TRANK1: variants seen among roughly 807,000 people sequenced by gnomAD.
The protein encoded by TRANK1 is tetratricopeptide repeat and ankyrin repeat containing 1.
A neutral mutation model predicts 266.0 loss-of-function variants in TRANK1; 198 were observed. That is an observed-to-expected ratio of 0.74 (90% CI 0.66 to 0.84). The LOEUF is 0.84. Among genes scored for constraint, TRANK1 ranks in the 40% least tolerant of loss-of-function variants. TRANK1 has a pLI of 0.00. For missense variants in TRANK1, 3,326 were observed against 3,634.6 expected (o/e 0.92, Z 2.18); for synonymous variants, 1,396 against 1,384.1 (o/e 1.01, Z -0.19).
chr3:36,857,828 G>A lies in TRANK1; in HGVS notation c.1894C>T (p.Arg632Trp), dbSNP rs1385227247. The change falls in exon 13 of 24, where the codon CGG becomes TGG. Residue 632 changes from arginine to tryptophan, a missense_variant. Coordinates refer to ENST00000645898, the MANE Select transcript of TRANK1 (RefSeq NM_001329998.2). This position sits in a 1 kb window ranked among gnomAD's most constrained non-coding sequence, Gnocchi z 4.3. Reference protein sequence around the residue: ...NLKNKEGKDARHRIKKNDSLL... With the variant: ...NLKNKEGKDAWHRIKKNDSLL... ...GAGTCGTTCTTCTTAATCCGGTGCC[G>A]TGCATCTTTGCCCTCTTTGTTCTTC... The A allele has an allele frequency of 9.3e-6, 15 of 1,613,740 alleles. No homozygotes were observed. The highest frequency in any genetic ancestry group is 1.1e-5 in the South Asian group (1 of 91,086).
intron 11 of TRANK1, 40 bp from the exon 12 acceptor site, chr3:36,858,934 C>T: frequency 6.7e-7 from 1 of 1,486,818 alleles, no homozygotes; most frequent in Non-Finnish European, 8.9e-7. Flanking sequence ...TGAGCAGGCA[C>T]AGCCTGGCTC....
chr3:36,857,004 G>T lies in TRANK1; in HGVS notation c.2718C>A (p.Asp906Glu). 6.2e-7 allele frequency: 1 copy of T among 1,613,968 alleles called. No individual in the cohort carries two copies. Among genetic ancestry groups the T allele is most frequent in the Non-Finnish European group, 8.5e-7 (1 of 1,179,868 alleles). ...GARMLWELAIDFSPRCSENPE... is the reference protein window; with the variant it reads ...GARMLWELAIEFSPRCSENPE... ...GGTTCTCACTGCATCGAGGGGAGAA[G>T]TCAATGGCGAGCTCCCAGAGCATCC... Residue 906 changes from aspartate (D) to glutamate (E), a missense_variant, in exon 13 of 24, where the codon GAC becomes GAA. Coordinates refer to ENST00000645898, the MANE Select transcript of TRANK1 (RefSeq NM_001329998.2). The surrounding 1 kb of genome is among the most constrained non-coding windows in gnomAD (Gnocchi z 4.3).
At chr3:36,877,422 G>A (rs968958233) in intron 8 of TRANK1, among the ~76,000 whole-genome samples, 1 of 152,062 alleles carries the variant, frequency 6.6e-6, no homozygotes, top group African/African-American at 2.4e-5. Flanking sequence ...TAAATAACAT[G>A]TACAGTTCCT....
intron 3 of TRANK1, among the ~76,000 whole-genome samples, chr3:36,901,021 G>A (rs1347872076): frequency 1.3e-5 from 2 of 150,130 alleles, no homozygotes; most frequent in Non-Finnish European, 3.0e-5. Context: ...AAGAGAGGAG[G>A]AAAAAAAAGT....
intron 1 of TRANK1, among the ~76,000 whole-genome samples, chr3:36,923,032 C>T (rs898857638): frequency 2.0e-5 from 3 of 152,160 alleles, no homozygotes; most frequent in African/African-American, 7.2e-5. Flanking sequence ...CATTGCCCAA[C>T]TATCACCAGA....
chr3:36,929,237 T>G (rs2080329015), intron 1 of TRANK1: 1 of 151,662 alleles, frequency 6.6e-6, no homozygotes, highest in South Asian at 2.1e-4. Flanking sequence ...CTCTGCCTCC[T>G]GGGCTCAAGC....
chr3:36,848,090 A>G (rs2078939155), intron 15 of TRANK1, among the ~76,000 whole-genome samples: 1 of 152,210 alleles, frequency 6.6e-6, no homozygotes, highest in Non-Finnish European at 1.5e-5. Flanking sequence ...AAATATTGTT[A>G]TCATTGCGGG....
chr3:36,908,364 G>A lies in TRANK1; in HGVS notation c.114C>T (p.Tyr38=), dbSNP rs1396964906. ...NGNFSLAIRK[Y]DEAIQILLQL... Reference sequence around the variant, plus strand: ...GCAGGAGAATCTGGATGGCTTCATCGTACTTTCTGATGGCCAAAGAGAAGT... The same window carrying A: ...GCAGGAGAATCTGGATGGCTTCATCATACTTTCTGATGGCCAAAGAGAAGT... Residue 38 remains tyrosine (Y), a synonymous_variant, in exon 2 of 24, where the codon TAC becomes TAT. Transcript: ENST00000645898. 3 of 1,232,088 alleles carry A rather than the reference G, an allele frequency of 2.4e-6. No individual in the cohort carries two copies. Among genetic ancestry groups the A allele is most frequent in the Non-Finnish European group, 3.0e-6 (3 of 988,012 alleles). The allele number at this position is 1,232,088 out of a possible 1,614,324, so 76.3% of individuals were successfully genotyped here. A position where few individuals can be genotyped will look rare whatever the true frequency, so the allele number is the denominator to read the frequency against.
At position 36,856,056 on chromosome 3, in the gene TRANK1, G is replaced by T. The variant is rs1467909527; in HGVS notation, c.3666C>A (p.Tyr1222Ter). The change falls in exon 13 of 24, where the codon TAC (tyrosine) becomes TAA (stop). Residue 1222 changes from tyrosine to a stop codon, truncating the protein, a stop_gained. Coordinates refer to ENST00000645898, the MANE Select transcript of TRANK1 (RefSeq NM_001329998.2). LOFTEE classifies it high-confidence loss of function. ...TGTGAATGTTGGGGTCCAGTGGTTT[G>T]TAATGACTAGTGGCCTTGGTGGACT... ...LSKSTKATSH[Y>*]KPLDPNIHKL... 1.9e-6 allele frequency: 3 copies of T among 1,613,862 alleles called. No individual in the cohort carries two copies. In the Admixed American group the frequency reaches 5.0e-5, roughly 27 times the overall value.
chr3:36,922,956 T>G (rs913312194), intron 1 of TRANK1, among the ~76,000 whole-genome samples: 3 of 152,134 alleles, frequency 2.0e-5, no homozygotes, highest in African/African-American at 7.2e-5. Flanking sequence ...TCAGATAAAC[T>G]ATAAGTCTGT....
chr3:36,855,071 T>C, intron 13 of TRANK1, 102 bp downstream of exon 13: 2 of 1,070,556 alleles, frequency 1.9e-6, no homozygotes, highest in South Asian at 3.3e-5. Flanking sequence ...CTACCCTTAC[T>C]TCAGCTGTAA....
rs2079311954 is a variant in TRANK1 at position 36,871,666 on chromosome 3, ACACC to A, written c.1078+2456_1078+2459del. ...CATCATATGTCAAAGCTTTAAAAGAACACCCATGAAAAGGAAAAAAATAAAAAGA... is the reference window on the plus strand; with the variant it reads ...CATCATATGTCAAAGCTTTAAAAGAACATGAAAAGGAAAAAAATAAAAAGA... On this transcript the variant is annotated intron_variant, in intron 9 of 23. Transcript: ENST00000645898. Among the ~76,000 whole-genome samples the A allele has an allele frequency of 3.3e-5, 5 of 152,312 alleles. No individual in the cohort carries two copies. The East Asian group carries it at 9.6e-4, about 29-fold the overall frequency.
intron 15 of TRANK1, among the ~76,000 whole-genome samples, chr3:36,847,813 G>A (rs1246692221): frequency 6.6e-6 from 1 of 152,122 alleles, no homozygotes. Context: ...TAGACTCTGA[G>A]GTCAGACAGA....
intron 13 of TRANK1, among the ~76,000 whole-genome samples, chr3:36,854,096 C>T (rs1255390211): frequency 6.6e-6 from 1 of 152,232 alleles, no homozygotes; most frequent in Non-Finnish European, 1.5e-5. Flanking sequence ...CACGAGGGCT[C>T]ACGCCTGTAA....
chr3:36,862,976 G>T (rs1425268868), intron 10 of TRANK1, among the ~76,000 whole-genome samples: 3 of 151,854 alleles, frequency 2.0e-5, no homozygotes, highest in Non-Finnish European at 4.4e-5. Flanking sequence ...GCTATAAATA[G>T]CCTACCCTAC....
chr3:36,835,089 G>A (rs1045880585), intron 20 of TRANK1, among the ~76,000 whole-genome samples, 182 bp from the exon 21 acceptor site: 8 of 152,010 alleles, frequency 5.3e-5, no homozygotes, highest in African/African-American at 1.9e-4. Flanking sequence ...GGAGGCCGAG[G>A]CGGGCGGATC....
chr3:36,832,938 A>G lies in TRANK1; in HGVS notation c.6645T>C (p.Arg2215=), dbSNP rs1337019870. The G allele has an allele frequency of 6.2e-7, 1 of 1,612,930 alleles. No individual in the cohort carries two copies. The highest frequency in any genetic ancestry group is 8.5e-7 in the Non-Finnish European group (1 of 1,179,434). The change falls in exon 22 of 24, where the codon CGT becomes CGC. Residue 2215 remains arginine, a synonymous_variant. Transcript: ENST00000645898. ...NCEHFHRPLR[R]CEAKCLVQSK... is the part of the protein sequence containing the mutation. ...ACTGAACTAAACACTTGGCTTCACA[A>G]CGCCGCAGAGGCCTGTGAAAATGTT...
At chr3:36,895,334 AG>A (rs1234916799) in intron 5 of TRANK1, among the ~76,000 whole-genome samples, 12 of 152,232 alleles carry the variant, frequency 7.9e-5, no homozygotes, top group Non-Finnish European at 4.4e-5. Flanking sequence ...AGTATAAAAA[AG>A]GATTGTGAAA....
rs1246982502 is a variant in TRANK1 at position 36,857,075 on chromosome 3, T to G, written c.2647A>C (p.Lys883Gln). The change falls in exon 13 of 24, where the codon AAA becomes CAA. Residue 883 changes from lysine to glutamine, a missense_variant. By Grantham distance (53) the Lys-to-Gln change is moderately conservative (BLOSUM62 1). Coordinates refer to ENST00000645898, the MANE Select transcript of TRANK1 (RefSeq NM_001329998.2). This position sits in a 1 kb window ranked among gnomAD's most constrained non-coding sequence, Gnocchi z 4.3. The part of the protein sequence containing the change: ...QGLQKRLKHL[K>Q]GSIQLFEAKL... ...GCTTCGAAGAGCTGGATGCTTCCTT[T>G]CAGGTGCTTCAGTCGCTTCTGCAGG... 6.2e-7 allele frequency: 1 copy of G among 1,614,036 alleles called. No individual in the cohort carries two copies. The highest frequency in any genetic ancestry group is 1.7e-5 in the Admixed American group (1 of 60,030).
Sources: allele counts gnomAD v4.1 joint callset (sites outside exome capture counted in the v4.1 genomes callset), GRCh38; gene constraint gnomAD v4.1.1; non-coding constraint Gnocchi (gnomAD v3.1); transcripts MANE v1.5; gene names NCBI Gene and HGNC (gene_info 2026-07-23, HGNC 2026-07-21).